Variants in SYN2 observed in about 807,000 individuals in gnomAD.
The protein encoded by SYN2 is synapsin II, also known as synapsin-2.
SYN2 carries 19 observed loss-of-function variants against 50.9 expected under a neutral mutation model. The observed-to-expected ratio is 0.37, with a 90% confidence interval of 0.26 to 0.55. The LOEUF is 0.55. Among genes scored for constraint, SYN2 ranks in the 20% least tolerant of loss-of-function variants. SYN2 has a pLI of 0.81. For missense variants in SYN2, 587 were observed against 576.4 expected, an observed-to-expected ratio of 1.02 and a Z score of -0.19; for synonymous variants, 255 against 224.9, an observed-to-expected ratio of 1.13 and a Z score of -1.20.
At chr3:12,061,151 CAT>C (rs1375371621) in intron 1 of SYN2, among the ~76,000 whole-genome samples, 2 of 152,120 alleles carry the variant, frequency 1.3e-5, no homozygotes, top group African/African-American at 4.8e-5. Flanking sequence ...CTTGAAAATA[CAT>C]ATGTCAGTGA....
intron 1 of SYN2, among the ~76,000 whole-genome samples, chr3:12,114,947 C>G (rs572215222): frequency 6.6e-6 from 1 of 152,080 alleles, no homozygotes; most frequent in African/African-American, 2.4e-5. Flanking sequence ...TCTGTCACCC[C>G]GAATCTTTCC....
chr3:12,095,954 C>G (rs1695924450), intron 1 of SYN2, among the ~76,000 whole-genome samples: 1 of 152,126 alleles, frequency 6.6e-6, no homozygotes, highest in Admixed American at 6.5e-5. Context: ...GCATCCAAAA[C>G]TGAACTCTTG....
At chr3:12,188,056 G>C (rs1476562807) in intron 12 of SYN2, among the ~76,000 whole-genome samples, 2 of 151,882 alleles carry the variant, frequency 1.3e-5, no homozygotes, top group African/African-American at 4.8e-5. Flanking sequence ...TTCTGCCTCT[G>C]ACTCACAGTT....
intron 7 of SYN2, among the ~76,000 whole-genome samples, chr3:12,166,185 A>G (rs1470753675): frequency 1.3e-5 from 2 of 152,214 alleles, no homozygotes; most frequent in African/African-American, 4.8e-5. Context: ...GTCTGAAATC[A>G]GATCTCTGGG....
At chr3:12,102,518 G>A (rs2125189905) in intron 1 of SYN2, among the ~76,000 whole-genome samples, 1 of 152,158 alleles carries the variant, frequency 6.6e-6, no homozygotes, top group African/African-American at 2.4e-5. Context: ...AAAAGAGAAT[G>A]GCAATAAATC....
At chr3:12,067,463 C>A (rs1695238445) in intron 1 of SYN2, among the ~76,000 whole-genome samples, 1 of 152,152 alleles carries the variant, frequency 6.6e-6, no homozygotes, top group African/African-American at 2.4e-5. Flanking sequence ...AATTAATATG[C>A]ATGGCATCAC....
At chr3:12,060,805 A>G (rs1206904609) in intron 1 of SYN2, among the ~76,000 whole-genome samples, 2 of 152,198 alleles carry the variant, frequency 1.3e-5, no homozygotes, top group Non-Finnish European at 2.9e-5. Flanking sequence ...ACCAGTTCCT[A>G]TTCCCAATAC....
chr3:12,004,541 CT>C lies in SYN2; in HGVS notation c.-8del. ...CCCGTAGCCCCGCGCGCCCCCAGCC[CT>C]TTAAGCCAGATGATGAACTTCCTGC... On this transcript the variant is annotated 5_prime_UTR_variant, in exon 1 of 13. Transcript: ENST00000621198. 1 of 642,036 alleles carries C rather than the reference CT, an allele frequency of 1.6e-6. No individual in the cohort carries two copies. Among genetic ancestry groups the C allele is most frequent in the South Asian group, 1.7e-5 (1 of 59,948 alleles). 39.8% of individuals were successfully genotyped at this position (642,036 alleles called of 1,614,324 possible). A position where few individuals can be genotyped will look rare whatever the true frequency, so the allele number is the denominator to read the frequency against.
At chr3:12,063,245 G>A (rs760099281) in intron 1 of SYN2, among the ~76,000 whole-genome samples, 3 of 151,984 alleles carry the variant, frequency 2.0e-5, no homozygotes, top group Non-Finnish European at 2.9e-5. Flanking sequence ...AAATCACTTA[G>A]GGGATTGGGT....
intron 1 of SYN2, among the ~76,000 whole-genome samples, chr3:12,086,596 A>G (rs75388936): frequency 0.034 from 5,115 of 152,290 alleles, 262 homozygotes; most frequent in African/African-American, 0.11. Context: ...CAGCATATTA[A>G]CAAAATGAGG....
chr3:12,019,417 C>T (rs217049), intron 1 of SYN2, among the ~76,000 whole-genome samples: 133,679 of 152,228 alleles, frequency 0.88, 58,909 homozygotes, highest in East Asian at 0.97. Context: ...AGCTGGGAAA[C>T]AGAAAAACTT....
At chr3:12,019,910 G>T (rs551864308) in intron 1 of SYN2, among the ~76,000 whole-genome samples, 3 of 152,266 alleles carry the variant, frequency 2.0e-5, no homozygotes, top group African/African-American at 4.8e-5. Flanking sequence ...TCTCTGTGCG[G>T]CTAAGCTCCT....
At chr3:12,134,994 C>A (rs1227933980) in intron 1 of SYN2, among the ~76,000 whole-genome samples, 2 of 152,184 alleles carry the variant, frequency 1.3e-5, no homozygotes, top group African/African-American at 4.8e-5. Flanking sequence ...AGTGACAAAC[C>A]ACGGCGTTTC....
intron 1 of SYN2, among the ~76,000 whole-genome samples, chr3:12,120,118 T>A (rs1009737965): frequency 6.6e-6 from 1 of 152,150 alleles, no homozygotes; most frequent in Non-Finnish European, 1.5e-5. Context: ...CAGGGCTCCA[T>A]AGAACATGGT....
chr3:12,135,530 A>G (rs541114142), intron 1 of SYN2, among the ~76,000 whole-genome samples: 1 of 152,332 alleles, frequency 6.6e-6, no homozygotes, highest in African/African-American at 2.4e-5. Context: ...ATCCATCTTC[A>G]GTGCTGTCAT....
intron 1 of SYN2, among the ~76,000 whole-genome samples, chr3:12,045,696 C>T (rs1694723395): frequency 1.3e-5 from 2 of 152,160 alleles, no homozygotes; most frequent in Non-Finnish European, 2.9e-5. Flanking sequence ...CCCTTTGCCC[C>T]TACAATCTCC....
In SYN2 at chr3:12,068,634, G is replaced by A. The variant is rs543582745; in HGVS notation, c.377+63706G>A. Among the ~76,000 whole-genome samples the A allele has an allele frequency of 1.3e-4, 20 of 152,002 alleles. No homozygotes were observed. In the South Asian group the frequency reaches 1.9e-3, roughly 14 times the overall value. ...ACTATTATTTGGTTGTTGACCTTCC[G>A]AATTTATCAGTAGATTTAAATTTTT... On this transcript the variant is annotated intron_variant, in intron 1 of 12. Coordinates refer to ENST00000621198, the MANE Select transcript of SYN2 (RefSeq NM_133625.6).
rs1204478626 is a variant in SYN2, at chr3:12,116,654, A to G, written c.378-23997A>G. 2.0e-5 allele frequency among the ~76,000 whole-genome samples: 3 copies of G among 152,214 alleles called. 1 individual carries two copies. Among genetic ancestry groups the G allele is most frequent in the African/African-American group, 7.2e-5 (3 of 41,462 alleles). The stretch of plus-strand genomic sequence containing the variant: ...TAAACAGTCTCCTCCTCTACAGTAA[A>G]GATTCTCAGAGGCATTTATCATATT... On this transcript the variant is annotated intron_variant, in intron 1 of 12. Coordinates refer to ENST00000621198, the MANE Select transcript of SYN2 (RefSeq NM_133625.6).
intron 1 of SYN2, chr3:12,070,714 A>T: frequency 1.0e-6 from 1 of 968,452 alleles, no homozygotes; most frequent in Non-Finnish European, 1.5e-6. Flanking sequence ...AGATGGGGTC[A>T]CTCATACAGT....
Sources: allele counts gnomAD v4.1 joint callset (sites outside exome capture counted in the v4.1 genomes callset), GRCh38; gene constraint gnomAD v4.1.1; transcripts MANE v1.5; gene names NCBI Gene and HGNC (gene_info 2026-07-23, HGNC 2026-07-21).